The following USP32 variants were observed in gnomAD, a reference collection of about 807,000 sequenced individuals.
USP32 encodes ubiquitin carboxyl-terminal hydrolase 32.
In USP32, 59 loss-of-function variants were observed where a neutral mutation model predicts 204.8. The ratio of observed to expected loss-of-function variants is 0.29; its 90% CI spans 0.23 to 0.36. USP32 has a LOEUF of 0.36. Among genes scored for constraint, USP32 ranks in the 10% least tolerant of loss-of-function variants. The probability of loss-of-function intolerance (pLI) is 1.00; values close to 1 mark genes in which losing one functional copy is unlikely to be tolerated. For synonymous variants in USP32, 517 were observed against 678.4 expected (o/e 0.76, Z 3.70); for missense variants, 1,160 against 1,946.4 (o/e 0.60, Z 7.60).
At chr17:60,302,414 C>T (rs1392051554) in intron 2 of USP32, among the ~76,000 whole-genome samples, 1 of 152,116 alleles carries the variant, frequency 6.6e-6, no homozygotes, top group African/African-American at 2.4e-5. Flanking sequence ...CCCAAAGTGC[C>T]GGCATTATAG....
chr17:60,349,624 T>TATATATATATATATATTA (rs1491225872), intron 1 of USP32, among the ~76,000 whole-genome samples: 1 of 60,298 alleles, frequency 1.7e-5, no homozygotes, highest in Non-Finnish European at 2.7e-5. Context: ...TATATATATA[T>TATATATATATATATATTA]TATATATATA....
At chr17:60,245,467 C>T in intron 11 of USP32, 1 of 343,746 alleles carries the variant, frequency 2.9e-6, no homozygotes. Flanking sequence ...ATTCTGGAAG[C>T]CACTGGGCAG....
chr17:60,256,399 C>T (rs968658020), intron 9 of USP32, among the ~76,000 whole-genome samples: 2 of 152,156 alleles, frequency 1.3e-5, no homozygotes, highest in African/African-American at 4.8e-5. Context: ...GTCCTGTTCA[C>T]TTACAGCAGA....
rs550457071 is a variant in USP32 at position 60,374,388 on chromosome 17, A to G, written c.58+17494T>C. 2.3e-4 allele frequency among the ~76,000 whole-genome samples: 34 copies of G among 150,618 alleles called. 2 individuals are homozygous for G. In the South Asian group the frequency reaches 7.1e-3, roughly 31 times the overall value. On this transcript the variant is annotated intron_variant, in intron 1 of 33. Coordinates refer to ENST00000300896, the MANE Select transcript of USP32 (RefSeq NM_032582.4). ...TGAAGGACTTGCCTAAGGCTGTTACAGTTAAGTTTTGTTTTTTTTTTTTTG... is the reference window on the plus strand; with the variant it reads ...TGAAGGACTTGCCTAAGGCTGTTACGGTTAAGTTTTGTTTTTTTTTTTTTG...
rs757128107 is a variant in USP32, at chr17:60,185,601, CTCG to C, written c.3690_3692del (p.Glu1231del). ...GGAGACAGCTGTCCAGGTTGATGGG[CTCG>C]GCTTGCGCTCGCCGACTCTGCTCCA... On this transcript the variant is annotated inframe_deletion, in exon 30 of 34. Transcript: ENST00000300896. The C allele has an allele frequency of 6.2e-7, 1 of 1,611,846 alleles. No individual in the cohort carries two copies. The highest frequency in any genetic ancestry group is 8.5e-7 in the Non-Finnish European group (1 of 1,179,832).
chr17:60,364,636 A>G (rs921434718), intron 1 of USP32, among the ~76,000 whole-genome samples: 1 of 152,190 alleles, frequency 6.6e-6, no homozygotes, highest in African/African-American at 2.4e-5. Flanking sequence ...CTTGCCTCCC[A>G]AAGTGCCGGG....
Position 60,345,695 on chromosome 17 carries a change from A to T in USP32, c.59-87T>A, listed in dbSNP as rs1302386198. On this transcript the variant is annotated intron_variant, in intron 1 of 33. Transcript: ENST00000300896. ...TTTTTCAACCTGGCTCCTAAGAAAA[A>T]TTGAGGCTAGGCACAGTGGCTCACG... 9 of 1,579,448 alleles carry T rather than the reference A, an allele frequency of 5.7e-6. No homozygotes were observed. In the Admixed American group the frequency reaches 1.5e-4, roughly 27 times the overall value.
intron 5 of USP32, among the ~76,000 whole-genome samples, chr17:60,284,242 CTCGCCCTG>C (rs2087049957): frequency 1.4e-5 from 2 of 140,436 alleles, no homozygotes; most frequent in Non-Finnish European, 1.5e-5. Flanking sequence ...GAGACCAAGT[CTCGCCCTG>C]TCGCCCAGGC....
At chr17:60,345,852 C>A (rs1054275186) in intron 1 of USP32, among the ~76,000 whole-genome samples, 1 of 152,050 alleles carries the variant, frequency 6.6e-6, no homozygotes, top group Admixed American at 6.6e-5. Context: ...CATGGTGGTG[C>A]ATGCCTATAA....
chr17:60,271,874 C>T (rs544065834), intron 5 of USP32, among the ~76,000 whole-genome samples: 7 of 151,404 alleles, frequency 4.6e-5, no homozygotes, highest in African/African-American at 1.2e-4. Context: ...TGCAGTGACA[C>T]GATCATAGTT....
chr17:60,358,417 A>G (rs536147617), intron 1 of USP32, among the ~76,000 whole-genome samples: 1 of 152,034 alleles, frequency 6.6e-6, no homozygotes, highest in South Asian at 2.1e-4. Context: ...TCTACCAAAA[A>G]TACAAAAATT....
At chr17:60,419,897 T>C (rs2090095985) in intron 1 of USP32, among the ~76,000 whole-genome samples, 1 of 147,960 alleles carries the variant, frequency 6.8e-6, no homozygotes, top group Admixed American at 6.7e-5. Context: ...TCTTGCTCTG[T>C]TGCTCTAGCT....
intron 1 of USP32, among the ~76,000 whole-genome samples, chr17:60,420,564 G>C (rs1273986851): frequency 6.6e-6 from 1 of 152,172 alleles, no homozygotes; most frequent in Non-Finnish European, 1.5e-5. Flanking sequence ...CTACTCGGGA[G>C]GCTGAGGCAG....
rs182328133 is a variant in USP32, at chr17:60,359,204, A to G, written c.59-13596T>C. 5.5e-4 allele frequency among the ~76,000 whole-genome samples: 84 copies of G among 152,276 alleles called. No homozygotes were observed. The East Asian group carries it at 0.016, about 28-fold the overall frequency. On this transcript the variant is annotated intron_variant, in intron 1 of 33. Coordinates refer to ENST00000300896, the MANE Select transcript of USP32 (RefSeq NM_032582.4). The stretch of plus-strand genomic sequence containing the variant: ...AAATGTTAGGTGTCCCTCCTACAAA[A>G]TAACTTTCCTTATAATCACTTATTC...
chr17:60,234,625 G>C (rs1007597112), intron 12 of USP32, among the ~76,000 whole-genome samples: 2 of 151,660 alleles, frequency 1.3e-5, no homozygotes, highest in Non-Finnish European at 2.9e-5. Context: ...AGCTACTCGG[G>C]AGGCTGAGGC....
chr17:60,203,681 A>T (rs2084748099), intron 26 of USP32, among the ~76,000 whole-genome samples: 1 of 152,000 alleles, frequency 6.6e-6, no homozygotes, highest in African/African-American at 2.4e-5. Flanking sequence ...GGTTCAAGCG[A>T]TTCTCCTGCC....
chr17:60,218,698 G>A (rs1273878062), intron 16 of USP32, among the ~76,000 whole-genome samples: 1 of 151,838 alleles, frequency 6.6e-6, no homozygotes, highest in African/African-American at 2.4e-5. Flanking sequence ...CCACCTCCTG[G>A]GTTCAAGCGA....
intron 1 of USP32, among the ~76,000 whole-genome samples, chr17:60,401,123 T>C (rs2089931435): frequency 6.6e-6 from 1 of 150,864 alleles, no homozygotes; most frequent in African/African-American, 2.4e-5. Flanking sequence ...GCCACTGCAC[T>C]CCAACCTGGG....
chr17:60,254,427 G>A lies in USP32; in HGVS notation c.1074+748C>T, dbSNP rs117789726. On this transcript the variant is annotated intron_variant, in intron 10 of 33. Transcript: ENST00000300896. ...ATACTTTGAAAAACTTGGGCTGGGC[G>A]TGGTGGTTCACTCCTGTAATTGCAG... is the stretch of plus-strand genomic sequence containing the variant. Among the ~76,000 whole-genome samples the A allele has an allele frequency of 2.4e-3, 372 of 152,244 alleles. 12 individuals carry two copies. In the East Asian group the frequency reaches 0.059, roughly 24 times the overall value.
Sources: gnomAD v4.1 joint callset for allele counts (sites outside exome capture counted in the v4.1 genomes callset) on GRCh38, gnomAD v4.1.1 for gene constraint, MANE v1.5 for transcripts, NCBI Gene and HGNC (gene_info 2026-07-23, HGNC 2026-07-21) for gene names.